The following SORCS1 variants were observed in gnomAD, a reference collection of about 807,000 sequenced individuals.
The protein encoded by SORCS1 is VPS10 domain-containing receptor SorCS1.
A neutral mutation model predicts 146.1 loss-of-function variants in SORCS1; 60 were observed. The ratio of observed to expected loss-of-function variants is 0.41; its 90% confidence interval spans 0.33 to 0.51. The LOEUF (loss-of-function observed/expected upper bound fraction) is 0.51. Ranked by LOEUF, SORCS1 falls within the 20% of genes least tolerant of loss-of-function variation. The probability of loss-of-function intolerance (pLI) is 0.21; values close to 1 mark genes in which losing one functional copy is unlikely to be tolerated. For missense variants in SORCS1, 1,352 were observed against 1,487.6 expected (o/e 0.91, Z 1.50); for synonymous variants, 637 against 584.0 (o/e 1.09, Z -1.31).
intron 1 of SORCS1, among the ~76,000 whole-genome samples, chr10:107,137,986 AC>A (rs1967474193): frequency 1.3e-5 from 2 of 152,172 alleles, no homozygotes; most frequent in Admixed American, 6.5e-5. Context: ...GACACCTATT[AC>A]GTTCCTGAAA....
At chr10:106,808,504 TA>T (rs1397936178) in intron 3 of SORCS1, among the ~76,000 whole-genome samples, 22 of 152,108 alleles carry the variant, frequency 1.4e-4, no homozygotes, top group African/African-American at 5.1e-4. Flanking sequence ...TTATTTATTT[TA>T]TTTATTTATT....
At chr10:106,886,884 A>C (rs1049950821) in intron 2 of SORCS1, among the ~76,000 whole-genome samples, 7 of 152,234 alleles carry the variant, frequency 4.6e-5, no homozygotes, top group Admixed American at 2.6e-4. Context: ...AGCAACCAGC[A>C]GTTATTTATT....
At chr10:107,105,050 G>A (rs139871432) in intron 1 of SORCS1, among the ~76,000 whole-genome samples, 106 of 152,288 alleles carry the variant, frequency 7.0e-4, no homozygotes, top group African/African-American at 2.4e-3. Context: ...AAAAGTGCAC[G>A]AAAATTGTAA....
At chr10:106,760,621 T>A (rs1378632013) in intron 5 of SORCS1, among the ~76,000 whole-genome samples, 2 of 151,558 alleles carry the variant, frequency 1.3e-5, no homozygotes, top group African/African-American at 4.9e-5. Context: ...AGAATAAATA[T>A]CCGTTGTTTA....
chr10:106,652,276 G>A, intron 18 of SORCS1, 106 bp downstream of exon 18: 1 of 1,211,530 alleles, frequency 8.3e-7, no homozygotes, highest in Non-Finnish European at 1.1e-6. Context: ...TTTTTAAATA[G>A]CATCTAAAAT....
At chr10:106,752,175 A>G (rs890932674) in intron 5 of SORCS1, among the ~76,000 whole-genome samples, 2 of 152,178 alleles carry the variant, frequency 1.3e-5, no homozygotes, top group Non-Finnish European at 2.9e-5. Flanking sequence ...TACCAATCAC[A>G]TATATAGAGC....
chr10:106,643,066 TC>T (rs549690380), intron 18 of SORCS1, among the ~76,000 whole-genome samples: 156 of 152,252 alleles, frequency 1.0e-3, no homozygotes, highest in Admixed American at 2.5e-3. Flanking sequence ...AATGGTTCCT[TC>T]ACCATAGAGA....
the SORCS1 span, among the ~76,000 whole-genome samples, chr10:107,179,537 C>A: frequency 6.6e-6 from 1 of 152,154 alleles, no homozygotes; most frequent in Non-Finnish European, 1.5e-5. Flanking sequence ...TAATTTAGAT[C>A]ATTGTGTGTA....
At chr10:107,164,709 C>A (rs541909055), upstream of SORCS1, among the ~76,000 whole-genome samples, 1 of 148,884 alleles carries the variant, frequency 6.7e-6, no homozygotes, top group African/African-American at 2.5e-5. This position sits in a 1 kb window ranked among gnomAD's most constrained non-coding sequence, Gnocchi z 6.8. Flanking sequence ...GGGCTTGTGC[C>A]GAGCGCGGGT....
At chr10:106,858,650 T>G (rs2137392899) in intron 2 of SORCS1, among the ~76,000 whole-genome samples, 1 of 151,600 alleles carries the variant, frequency 6.6e-6, no homozygotes, top group South Asian at 2.1e-4. Flanking sequence ...TGGGTGCATT[T>G]GATTGGGGTT....
intron 2 of SORCS1, among the ~76,000 whole-genome samples, chr10:106,893,240 C>A (rs1951307869): frequency 6.6e-6 from 1 of 152,160 alleles, no homozygotes; most frequent in South Asian, 2.1e-4. Context: ...CCTATCATCA[C>A]CCAAGCATAG....
At chr10:106,919,765 C>T (rs1025977863) in intron 2 of SORCS1, among the ~76,000 whole-genome samples, 29 of 152,148 alleles carry the variant, frequency 1.9e-4, no homozygotes, top group Non-Finnish European at 2.9e-5. Context: ...TTGGGAGCAA[C>T]AGAATATGAG....
At chr10:106,935,572 A>C (rs1953672397) in intron 2 of SORCS1, among the ~76,000 whole-genome samples, 1 of 152,240 alleles carries the variant, frequency 6.6e-6, no homozygotes, top group Non-Finnish European at 1.5e-5. Flanking sequence ...ATATGCAAGG[A>C]TACCTGCTGT....
At chr10:106,749,162 T>C (rs1857963434) in intron 5 of SORCS1, among the ~76,000 whole-genome samples, 2 of 152,194 alleles carry the variant, frequency 1.3e-5, no homozygotes, top group Admixed American at 1.3e-4. Context: ...AGGTTTCATA[T>C]TACAATTCAC....
chr10:106,766,110 C>T (rs1859549271), intron 4 of SORCS1, among the ~76,000 whole-genome samples: 1 of 152,164 alleles, frequency 6.6e-6, no homozygotes, highest in African/African-American at 2.4e-5. Flanking sequence ...CACACAGGCT[C>T]CTTAGGAGGC....
chr10:106,748,209 A>G (rs537743900), intron 5 of SORCS1, among the ~76,000 whole-genome samples: 49 of 152,238 alleles, frequency 3.2e-4, no homozygotes, highest in African/African-American at 1.1e-3. Context: ...CCCTTCATGC[A>G]GCAATTCTAT....
At chr10:106,910,355 C>CGA (rs1391512668) in intron 2 of SORCS1, among the ~76,000 whole-genome samples, 1 of 149,906 alleles carries the variant, frequency 6.7e-6, no homozygotes, top group Non-Finnish European at 1.5e-5. Flanking sequence ...AGCTCACAAG[C>CGA]GAGAGAGAGG....
intron 23 of SORCS1, among the ~76,000 whole-genome samples, chr10:106,605,616 C>T (rs757877693): frequency 1.3e-5 from 2 of 152,116 alleles, no homozygotes; most frequent in Non-Finnish European, 2.9e-5. Flanking sequence ...TCTATTCTTT[C>T]TCCCACCAAA....
intron 5 of SORCS1, among the ~76,000 whole-genome samples, chr10:106,758,262 A>G (rs1376200365): frequency 1.3e-5 from 2 of 152,212 alleles, no homozygotes; most frequent in Admixed American, 6.5e-5. Context: ...AGGTTATAAT[A>G]ATGCATAAAT....
Sources: allele counts gnomAD v4.1 joint callset (sites outside exome capture counted in the v4.1 genomes callset), GRCh38; gene constraint gnomAD v4.1.1; non-coding constraint Gnocchi (gnomAD v3.1); transcripts MANE v1.5; gene names NCBI Gene and HGNC (gene_info 2026-07-23, HGNC 2026-07-21).